Variants in CDK6 observed in about 807,000 individuals in gnomAD.
CDK6 encodes the protein cyclin-dependent kinase 6.
CDK6 carries 6 observed loss-of-function variants against 37.1 expected under a neutral mutation model. That is an observed-to-expected ratio of 0.16 (90% CI 0.09 to 0.32). The LOEUF (loss-of-function observed/expected upper bound fraction) is 0.32. Among genes scored for constraint, CDK6 ranks in the 10% least tolerant of loss-of-function variants. The pLI is 1.00. For synonymous variants in CDK6, 160 were observed against 161.3 expected, an observed-to-expected ratio of 0.99 and a Z score of 0.06; for missense variants, 224 against 418.9, an observed-to-expected ratio of 0.53 and a Z score of 4.06.
chr7:92,759,990 C>T (rs1411775890), intron 3 of CDK6, among the ~76,000 whole-genome samples: 1 of 152,134 alleles, frequency 6.6e-6, no homozygotes, highest in East Asian at 1.9e-4. Context: ...TTCATAATAT[C>T]TTATCTATTC....
chr7:92,819,980 A>C (rs1007796397), intron 2 of CDK6, among the ~76,000 whole-genome samples: 1 of 152,020 alleles, frequency 6.6e-6, no homozygotes, highest in African/African-American at 2.4e-5. Flanking sequence ...ATGAAGAAGC[A>C]GCCATTAAAA....
In CDK6 at chr7:92,609,982, C is replaced by A; in HGVS notation, c.*5158G>T. The A allele has an allele frequency of 4.4e-6, 1 of 229,760 alleles. No individual in the cohort carries two copies. Among genetic ancestry groups the A allele is most frequent in the Middle Eastern group, 1.3e-3 (1 of 768 alleles). 14.2% of individuals were successfully genotyped at this position (229,760 alleles called of 1,614,324 possible). ...AGAGACTATTAATCATCCCAAAAAA[C>A]AAGTGCTAGGAAAGAGTTAAATATG... On this transcript the variant is annotated 3_prime_UTR_variant, in exon 8 of 8. Transcript: ENST00000424848.
chr7:92,716,158 T>C (rs1798225821), intron 4 of CDK6, among the ~76,000 whole-genome samples: 1 of 152,182 alleles, frequency 6.6e-6, no homozygotes, highest in Admixed American at 6.5e-5. Flanking sequence ...TTATAATTGA[T>C]GATGCAATGA....
intron 4 of CDK6, among the ~76,000 whole-genome samples, chr7:92,676,694 C>T (rs535733061): frequency 7.9e-5 from 12 of 152,072 alleles, no homozygotes; most frequent in South Asian, 4.1e-4. Flanking sequence ...TTATTTGCAT[C>T]AGAGCAATAC....
Position 92,613,321 on chromosome 7 carries a change from A to G in CDK6, c.*1819T>C, listed in dbSNP as rs1795602330. 1 of 233,312 alleles carries G rather than the reference A, an allele frequency of 4.3e-6. No homozygotes were observed. The highest frequency in any genetic ancestry group is 8.5e-6 in the Non-Finnish European group (1 of 118,064). 14.5% of individuals were successfully genotyped at this position (233,312 alleles called of 1,614,324 possible). A position where few individuals can be genotyped will look rare whatever the true frequency, so the allele number is the denominator to read the frequency against. ...ATGATCTGAATTATTTTCTGAGTGC[A>G]GCAACCTCCATTCTTTGAAAATCCT... On this transcript the variant is annotated 3_prime_UTR_variant, in exon 8 of 8. Transcript: ENST00000424848.
chr7:92,680,972 A>G (rs541091415), intron 4 of CDK6, among the ~76,000 whole-genome samples: 1 of 152,298 alleles, frequency 6.6e-6, no homozygotes, highest in South Asian at 2.1e-4. Context: ...TCTTGGCCAC[A>G]ATACATTTAC....
chr7:92,732,717 G>A (rs1475825168), intron 3 of CDK6, among the ~76,000 whole-genome samples: 1 of 152,218 alleles, frequency 6.6e-6, no homozygotes, highest in Non-Finnish European at 1.5e-5. Flanking sequence ...ACCCAGTCCT[G>A]TATGGGCAAA....
At chr7:92,679,161 G>A (rs1301634727) in intron 4 of CDK6, among the ~76,000 whole-genome samples, 3 of 152,124 alleles carry the variant, frequency 2.0e-5, no homozygotes, top group East Asian at 1.9e-4. Context: ...TCTATTTCCT[G>A]TTGGGACCCT....
intron 4 of CDK6, among the ~76,000 whole-genome samples, chr7:92,682,900 C>T (rs1445022581): frequency 6.6e-6 from 1 of 152,184 alleles, no homozygotes; most frequent in Non-Finnish European, 1.5e-5. Context: ...CCTATGTTTT[C>T]CTTCAGGCTG....
intron 4 of CDK6, among the ~76,000 whole-genome samples, chr7:92,685,126 A>T (rs1291058407): frequency 6.6e-6 from 1 of 152,230 alleles, no homozygotes; most frequent in Non-Finnish European, 1.5e-5. Context: ...AGAAAGGATC[A>T]TTGAAAGGGA....
chr7:92,733,559 A>G (rs1449881182), intron 3 of CDK6, among the ~76,000 whole-genome samples: 1 of 152,074 alleles, frequency 6.6e-6, no homozygotes, highest in African/African-American at 2.4e-5. Context: ...ATGTAGATCT[A>G]TTGGCAATGT....
At chr7:92,678,955 C>T (rs1321101677) in intron 4 of CDK6, among the ~76,000 whole-genome samples, 1 of 152,186 alleles carries the variant, frequency 6.6e-6, no homozygotes, top group Admixed American at 6.5e-5. Context: ...TCTCAGGAAG[C>T]CTGCTCTACT....
At chr7:92,659,057 G>T (rs1465175789) in intron 5 of CDK6, among the ~76,000 whole-genome samples, 3 of 152,174 alleles carry the variant, frequency 2.0e-5, no homozygotes, top group Non-Finnish European at 4.4e-5. Context: ...AACATCTATA[G>T]CCCCTACACA....
At chr7:92,781,878 T>C (rs755441073) in intron 2 of CDK6, among the ~76,000 whole-genome samples, 4 of 152,208 alleles carry the variant, frequency 2.6e-5, no homozygotes, top group Non-Finnish European at 5.9e-5. Context: ...ATGTCTTGTA[T>C]GCACCAAATT....
intron 5 of CDK6, among the ~76,000 whole-genome samples, chr7:92,659,287 A>G (rs892808351): frequency 2.0e-5 from 3 of 152,246 alleles, no homozygotes; most frequent in Admixed American, 6.5e-5. Context: ...GATGTGCTGT[A>G]AGTGTAAAAT....
At position 92,717,739 on chromosome 7, in the gene CDK6, G is replaced by A. The variant is rs554677499; in HGVS notation, c.537+7887C>T. 2.6e-5 allele frequency among the ~76,000 whole-genome samples: 4 copies of A among 152,312 alleles called. No individual in the cohort carries two copies. In the South Asian group the frequency reaches 8.3e-4, roughly 32 times the overall value. On this transcript the variant is annotated intron_variant, in intron 4 of 7. Transcript: ENST00000424848. ...GGAGCTAGAATTAGGTGAGTCAAAT[G>A]AATGACTATCTTTTATAAACAAGGG...
At chr7:92,776,324 G>C (rs941340681) in intron 2 of CDK6, among the ~76,000 whole-genome samples, 1 of 152,146 alleles carries the variant, frequency 6.6e-6, no homozygotes, top group African/African-American at 2.4e-5. Context: ...GGGCATTTGG[G>C]TTGATTCCAA....
At chr7:92,816,233 G>C (rs148974987) in intron 2 of CDK6, among the ~76,000 whole-genome samples, 187 of 152,162 alleles carry the variant, frequency 1.2e-3, no homozygotes, top group African/African-American at 4.3e-3. Flanking sequence ...TCAGTCAATA[G>C]AAATAGACTC....
chr7:92,731,537 A>G (rs1417495471), intron 3 of CDK6, among the ~76,000 whole-genome samples: 1 of 152,224 alleles, frequency 6.6e-6, no homozygotes, highest in Non-Finnish European at 1.5e-5. Flanking sequence ...GAGGCCCCTC[A>G]GGAGAAACAA....
Sources: gnomAD v4.1 joint callset for allele counts (sites outside exome capture counted in the v4.1 genomes callset) on GRCh38, gnomAD v4.1.1 for gene constraint, MANE v1.5 for transcripts, NCBI Gene and HGNC (gene_info 2026-07-23, HGNC 2026-07-21) for gene names.